KCND2: variants seen among roughly 807,000 people sequenced by gnomAD.
KCND2 encodes the protein A-type voltage-gated potassium channel KCND2.
KCND2 carries 16 observed loss-of-function variants against 54.4 expected under a neutral mutation model. That is an observed-to-expected ratio of 0.29 (90% confidence interval 0.20 to 0.45). The LOEUF is 0.45. KCND2 is among the 20% of genes least tolerant of loss of function. KCND2 has a pLI of 1.00. For missense variants in KCND2, 486 were observed against 824.2 expected (o/e 0.59, Z 5.02); for synonymous variants, 317 against 310.7 (o/e 1.02, Z -0.21).
intron 1 of KCND2, among the ~76,000 whole-genome samples, chr7:120,524,039 C>T (rs533498137): frequency 1.2e-4 from 18 of 151,744 alleles, no homozygotes; most frequent in Non-Finnish European, 1.0e-4. Flanking sequence ...AGTTGGAGAC[C>T]GGACTGTGCA....
chr7:120,295,256 G>A (rs1250009636), intron 1 of KCND2, among the ~76,000 whole-genome samples: 1 of 151,540 alleles, frequency 6.6e-6, no homozygotes, highest in African/African-American at 2.4e-5. Context: ...AAATATTTGA[G>A]TGCCTACACT....
intron 1 of KCND2, among the ~76,000 whole-genome samples, chr7:120,492,918 A>G (rs936668650): frequency 1.3e-5 from 2 of 152,036 alleles, no homozygotes; most frequent in Non-Finnish European, 1.5e-5. Context: ...GGTTGTATGA[A>G]TACTTGAGGT....
Position 120,273,478 on chromosome 7 carries a change from G to A in KCND2, c.-1155G>A, listed in dbSNP as rs1383863383. Among the ~76,000 whole-genome samples, 1 of 150,472 alleles carries A rather than the reference G, an allele frequency of 6.6e-6. No homozygotes were observed. The highest frequency in any genetic ancestry group is 2.4e-5 in the African/African-American group (1 of 41,214). On this transcript the variant is annotated 5_prime_UTR_variant, in exon 1 of 6. Coordinates refer to ENST00000331113, the MANE Select transcript of KCND2 (RefSeq NM_012281.3). ...GCCAGGCTCCCGCGACAGTGGCCCCGCAGTAAGTTGGCAGGAGCGAGTCCC... is the reference window on the plus strand; with the variant it reads ...GCCAGGCTCCCGCGACAGTGGCCCCACAGTAAGTTGGCAGGAGCGAGTCCC...
At chr7:120,606,008 C>A (rs1792877153) in intron 1 of KCND2, among the ~76,000 whole-genome samples, 1 of 152,112 alleles carries the variant, frequency 6.6e-6, no homozygotes, top group South Asian at 2.1e-4. Flanking sequence ...GAATAAGTCT[C>A]ATGAAATCTG....
chr7:120,289,187 T>C (rs534994955), intron 1 of KCND2, among the ~76,000 whole-genome samples: 1 of 152,166 alleles, frequency 6.6e-6, no homozygotes, highest in East Asian at 1.9e-4. Context: ...TATACACTTA[T>C]TGGGCCCCTA....
At chr7:120,603,594 G>A (rs1792841931) in intron 1 of KCND2, among the ~76,000 whole-genome samples, 1 of 152,158 alleles carries the variant, frequency 6.6e-6, no homozygotes, top group South Asian at 2.1e-4. Flanking sequence ...GGTCAGCAAT[G>A]AGATAGGCAT....
At chr7:120,303,323 A>T (rs1281914239) in intron 1 of KCND2, among the ~76,000 whole-genome samples, 1 of 152,228 alleles carries the variant, frequency 6.6e-6, no homozygotes, top group Non-Finnish European at 1.5e-5. Context: ...TCTACATATT[A>T]TGAAACAACA....
intron 1 of KCND2, among the ~76,000 whole-genome samples, chr7:120,557,115 T>A (rs978134386): frequency 6.6e-6 from 1 of 152,164 alleles, no homozygotes; most frequent in African/African-American, 2.4e-5. Flanking sequence ...AAACATTTTG[T>A]GTGTTACTTA....
chr7:120,588,402 A>AGTGTGTGTGTGTGTGTGTGTGT (rs3993713), intron 1 of KCND2, among the ~76,000 whole-genome samples: 78 of 141,408 alleles, frequency 5.5e-4, no homozygotes, highest in Admixed American at 2.0e-3. Context: ...GCAACTGTGC[A>AGTGTGTGTGTGTGTGTGTGTGT]GTGTGTGTGT....
intron 1 of KCND2, among the ~76,000 whole-genome samples, chr7:120,297,948 A>G (rs535654573): frequency 1.2e-3 from 185 of 152,302 alleles, no homozygotes; most frequent in Middle Eastern, 3.4e-3. Context: ...GAAATGGTCT[A>G]CATTTGTTCA....
At chr7:120,357,572 T>C (rs1800524489) in intron 1 of KCND2, among the ~76,000 whole-genome samples, 1 of 152,122 alleles carries the variant, frequency 6.6e-6, no homozygotes, top group Non-Finnish European at 1.5e-5. Context: ...GTAATTTTGA[T>C]TCATGCACTC....
chr7:120,423,249 T>A (rs1290621033), intron 1 of KCND2, among the ~76,000 whole-genome samples: 1 of 152,214 alleles, frequency 6.6e-6, no homozygotes, highest in African/African-American at 2.4e-5. Flanking sequence ...TCCTGTATTA[T>A]GAAATTTCCC....
chr7:120,715,280 G>C (rs1166991635), intron 1 of KCND2, among the ~76,000 whole-genome samples: 1 of 151,900 alleles, frequency 6.6e-6, no homozygotes, highest in Non-Finnish European at 1.5e-5. Context: ...TATGATAGTT[G>C]TGTAACCATG....
rs1475601570 is a variant in KCND2, at chr7:120,745,157, G to A, written c.1468-623G>A. ...GTTCAATGCTAATCCCTTCTGGGTCGAACACAGAGTGACACATTCGGCAGA... is the reference window on the plus strand; with the variant it reads ...GTTCAATGCTAATCCCTTCTGGGTCAAACACAGAGTGACACATTCGGCAGA... On this transcript the variant is annotated intron_variant, in intron 4 of 5. Coordinates refer to ENST00000331113, the MANE Select transcript of KCND2 (RefSeq NM_012281.3). Among the ~76,000 whole-genome samples the A allele has an allele frequency of 2.6e-5, 4 of 152,060 alleles. No homozygotes were observed. The South Asian group carries it at 6.2e-4, about 24-fold the overall frequency.
At chr7:120,425,767 A>G (rs185397832) in intron 1 of KCND2, among the ~76,000 whole-genome samples, 1 of 152,342 alleles carries the variant, frequency 6.6e-6, no homozygotes, top group East Asian at 1.9e-4. Flanking sequence ...GACCTGGCCC[A>G]GTTGCCATGC....
At chr7:120,519,452 T>C (rs996203082) in intron 1 of KCND2, among the ~76,000 whole-genome samples, 1 of 152,162 alleles carries the variant, frequency 6.6e-6, no homozygotes, top group Non-Finnish European at 1.5e-5. Flanking sequence ...CACAGTGAAC[T>C]AAATTCTGCC....
intron 1 of KCND2, among the ~76,000 whole-genome samples, chr7:120,718,330 A>C (rs772093323): frequency 4.6e-5 from 7 of 152,166 alleles, no homozygotes; most frequent in African/African-American, 9.6e-5. Context: ...GGCCAACTAC[A>C]TACGGCCCAC....
chr7:120,749,084 G>A lies in KCND2; in HGVS notation c.*1226G>A, dbSNP rs1195580093. ...AGAATTGACTGGGACTAATATCACA[G>A]GATCAATCATCTCAGAATCTTACTT... On this transcript the variant is annotated 3_prime_UTR_variant, in exon 6 of 6. Transcript: ENST00000331113. 2 of 151,864 alleles carry A rather than the reference G, an allele frequency of 1.3e-5. No homozygotes were observed. Among genetic ancestry groups the A allele is most frequent in the Non-Finnish European group, 2.9e-5 (2 of 67,842 alleles). The allele number at this position is 151,864 out of a possible 1,614,324, so 9.4% of individuals were successfully genotyped here.
intron 1 of KCND2, among the ~76,000 whole-genome samples, chr7:120,408,841 GACC>G (rs1801404717): frequency 6.6e-6 from 1 of 151,818 alleles, no homozygotes; most frequent in Non-Finnish European, 1.5e-5. Context: ...CATATTTGAA[GACC>G]ACTATCTACC....
Sources: allele counts gnomAD v4.1 joint callset (sites outside exome capture counted in the v4.1 genomes callset), GRCh38; gene constraint gnomAD v4.1.1; transcripts MANE v1.5; gene names NCBI Gene and HGNC (gene_info 2026-07-23, HGNC 2026-07-21).